Variants in TMC7 observed in about 807,000 individuals in gnomAD.
The protein encoded by TMC7 is transmembrane channel-like protein 7.
In TMC7, 54 loss-of-function variants were observed where a neutral mutation model predicts 82.9. The ratio of observed to expected loss-of-function variants is 0.65; its 90% CI spans 0.52 to 0.82. The LOEUF (loss-of-function observed/expected upper bound fraction) is 0.82, where lower values mean the gene tolerates loss of function less well. Among genes scored for constraint, TMC7 ranks in the 40% least tolerant of loss-of-function variants. The pLI is 0.00. For synonymous variants in TMC7, 350 were observed against 337.9 expected (o/e 1.04, Z -0.39); for missense variants, 820 against 901.2 (o/e 0.91, Z 1.15).
At chr16:19,000,119 G>A (rs1350333119) in intron 1 of TMC7, among the ~76,000 whole-genome samples, 1 of 151,982 alleles carries the variant, frequency 6.6e-6, no homozygotes, top group Non-Finnish European at 1.5e-5. Context: ...AGACCCTTTA[G>A]TAGCTGTAAA....
chr16:18,997,123 T>C (rs1229968541), intron 1 of TMC7, among the ~76,000 whole-genome samples: 1 of 152,214 alleles, frequency 6.6e-6, no homozygotes, highest in Admixed American at 6.5e-5. Context: ...TAGGTGGATC[T>C]CCTCACGGAG....
At chr16:19,018,021 C>T (rs140528881) in intron 3 of TMC7, among the ~76,000 whole-genome samples, 29 of 152,298 alleles carry the variant, frequency 1.9e-4, no homozygotes, top group African/African-American at 7.0e-4. Context: ...GCCCATAGTC[C>T]CAGCTTCTGG....
chr16:19,032,568 T>C (rs1220400008), intron 6 of TMC7, among the ~76,000 whole-genome samples: 1 of 149,534 alleles, frequency 6.7e-6, no homozygotes, highest in African/African-American at 2.5e-5. Context: ...AAAAAGACCA[T>C]AGGGACACAT....
rs556492508 is a variant in TMC7 at position 19,053,785 on chromosome 16, T to A, written c.1871+1969T>A. On this transcript the variant is annotated intron_variant, in intron 13 of 15. Coordinates refer to ENST00000304381, the MANE Select transcript of TMC7 (RefSeq NM_024847.4). ...AAAATGGTGAAAATTCATTTTCTCATTCCTTCTCAAGTACTTAATTTTCCT... is the reference window on the plus strand; with the variant it reads ...AAAATGGTGAAAATTCATTTTCTCAATCCTTCTCAAGTACTTAATTTTCCT... Among the ~76,000 whole-genome samples the A allele has an allele frequency of 2.6e-5, 4 of 152,082 alleles. No homozygotes were observed. In the South Asian group the frequency reaches 8.3e-4, roughly 32 times the overall value.
chr16:18,986,744 A>G (rs1294468918), intron 1 of TMC7, among the ~76,000 whole-genome samples: 1 of 151,198 alleles, frequency 6.6e-6, no homozygotes, highest in East Asian at 1.9e-4. Flanking sequence ...CCAGCATACC[A>G]AGATTGTTTC....
chr16:19,048,736 A>AT (rs749085419), intron 12 of TMC7, among the ~76,000 whole-genome samples: 22 of 152,162 alleles, frequency 1.4e-4, no homozygotes, highest in Non-Finnish European at 3.1e-4. Context: ...TTTCTTTATT[A>AT]TAGAGGCAAT....
chr16:19,042,903 T>C (rs1369007386), intron 9 of TMC7, among the ~76,000 whole-genome samples: 2 of 151,956 alleles, frequency 1.3e-5, no homozygotes, highest in African/African-American at 2.4e-5. Flanking sequence ...CCCGCCACCA[T>C]GCCCGGCTAA....
At chr16:19,015,583 T>C (rs1959642719) in intron 2 of TMC7, among the ~76,000 whole-genome samples, 1 of 152,044 alleles carries the variant, frequency 6.6e-6, no homozygotes, top group African/African-American at 2.4e-5. Context: ...TTTTTTTTTT[T>C]TTTTGAGACC....
chr16:19,027,386 G>A (rs1960287039), intron 5 of TMC7, among the ~76,000 whole-genome samples: 1 of 151,986 alleles, frequency 6.6e-6, no homozygotes, highest in Non-Finnish European at 1.5e-5. Context: ...TAACTCTTGA[G>A]CACTTGAAAT....
chr16:18,998,448 C>T (rs2039083001), intron 1 of TMC7, among the ~76,000 whole-genome samples: 1 of 152,130 alleles, frequency 6.6e-6, no homozygotes, highest in East Asian at 1.9e-4. Flanking sequence ...ACCAGATGCT[C>T]CACGGGCATG....
rs762035492 is a variant in TMC7 at position 19,009,241 on chromosome 16, AC to A, written c.139del (p.Arg47GlyfsTer21). 1.9e-6 allele frequency: 3 copies of A among 1,614,152 alleles called. No individual in the cohort carries two copies. The highest frequency in any genetic ancestry group is 2.5e-6 in the Non-Finnish European group (3 of 1,180,024). On this transcript the variant is annotated frameshift_variant, in exon 2 of 16. Coordinates refer to ENST00000304381, the MANE Select transcript of TMC7 (RefSeq NM_024847.4). LOFTEE classifies it high-confidence loss of function. ...PVNFLQELPS[Y>X]RSIARRRTTV... ...AACTTCCTCCAAGAATTGCCAAGCT[AC>A]CGGTCCATTGCACGTAGGAGAACGA...
At chr16:19,006,522 C>T (rs2039243703) in intron 1 of TMC7, among the ~76,000 whole-genome samples, 1 of 152,132 alleles carries the variant, frequency 6.6e-6, no homozygotes, top group African/African-American at 2.4e-5. Flanking sequence ...GCACAACATC[C>T]CAAGGTCCTG....
chr16:18,989,364 A>C (rs1355367612), intron 1 of TMC7, among the ~76,000 whole-genome samples: 1 of 151,920 alleles, frequency 6.6e-6, no homozygotes, highest in Admixed American at 6.6e-5. Context: ...CTGCCCAGCA[A>C]CTCAGGCCTG....
chr16:18,988,446 C>T (rs950238846), intron 1 of TMC7, among the ~76,000 whole-genome samples: 8 of 151,792 alleles, frequency 5.3e-5, no homozygotes, highest in Non-Finnish European at 1.0e-4. Context: ...CATGCAACCA[C>T]GTCTGGCTAA....
chr16:19,027,061 CTTTTTT>C (rs35769515), intron 5 of TMC7, among the ~76,000 whole-genome samples: 1 of 56,566 alleles, frequency 1.8e-5, no homozygotes, highest in Non-Finnish European at 2.9e-5. Flanking sequence ...CACACCTGAC[CTTTTTT>C]TTTTTTTTTT....
At chr16:18,994,558 G>A (rs1019931585) in intron 1 of TMC7, among the ~76,000 whole-genome samples, 1 of 152,138 alleles carries the variant, frequency 6.6e-6, no homozygotes, top group African/African-American at 2.4e-5. Flanking sequence ...AGCTTTTAGG[G>A]CTGCTTCTTA....
intron 1 of TMC7, among the ~76,000 whole-genome samples, chr16:19,007,530 G>A (rs1450524351): frequency 1.3e-5 from 2 of 152,104 alleles, no homozygotes; most frequent in African/African-American, 4.8e-5. Context: ...GGTTCCCTCT[G>A]CCTGGGGTGC....
Position 19,047,532 on chromosome 16 carries a change from G to A in TMC7, c.1740+283G>A, listed in dbSNP as rs1332649745. ...CTGCCCCAGCCTCCCGAGTAGCTGG[G>A]ACTACAGGAGCCTGCCACTGCGCCT... On this transcript the variant is annotated intron_variant, in intron 12 of 15. Transcript: ENST00000304381. 2.0e-5 allele frequency among the ~76,000 whole-genome samples: 3 copies of A among 150,878 alleles called. No homozygotes were observed. In the Admixed American group the frequency reaches 2.0e-4, roughly 10 times the overall value.
intron 12 of TMC7, chr16:19,049,799 G>C (rs1222513004): frequency 3.4e-5 from 9 of 263,696 alleles, no homozygotes; most frequent in Non-Finnish European, 5.3e-5. Flanking sequence ...AGATGTTCCG[G>C]CTCCTCCTGA....
Sources: allele counts gnomAD v4.1 joint callset (sites outside exome capture counted in the v4.1 genomes callset), GRCh38; gene constraint gnomAD v4.1.1; transcripts MANE v1.5; gene names NCBI Gene and HGNC (gene_info 2026-07-23, HGNC 2026-07-21).